The following PTK7 variants were observed in gnomAD, a reference collection of about 807,000 sequenced individuals.
PTK7 encodes the protein protein tyrosine kinase 7 (inactive), also known as inactive tyrosine-protein kinase 7.
A neutral mutation model predicts 116.6 loss-of-function variants in PTK7; 39 were observed. The observed-to-expected ratio is 0.33, with a 90% CI of 0.26 to 0.44. The LOEUF is 0.44. Among genes scored for constraint, PTK7 ranks in the 20% least tolerant of loss-of-function variants. The pLI, the probability that PTK7 is intolerant of heterozygous loss-of-function variation, is 1.00. For missense variants in PTK7, 1,169 were observed against 1,425.6 expected, an observed-to-expected ratio of 0.82 and a Z score of 2.90; for synonymous variants, 546 against 563.6, an observed-to-expected ratio of 0.97 and a Z score of 0.44.
intron 1 of PTK7, among the ~76,000 whole-genome samples, chr6:43,087,667 C>T (rs924356744): frequency 5.9e-5 from 9 of 152,186 alleles, no homozygotes; most frequent in African/African-American, 1.7e-4. Flanking sequence ...AGGTCCCATC[C>T]TCTTCTCCAG....
intron 17 of PTK7, among the ~76,000 whole-genome samples, chr6:43,151,515 GT>G (rs1771083513): frequency 8.6e-6 from 1 of 115,970 alleles, no homozygotes; most frequent in African/African-American, 3.5e-5. Flanking sequence ...CCCAAGCCCC[GT>G]TTTTTTGTTT....
rs758600953 is a variant in PTK7 at position 43,145,398 on chromosome 6, A to T, written c.2606A>T (p.Glu869Val). 1.9e-6 allele frequency: 3 copies of T among 1,605,456 alleles called. No homozygotes were observed. The highest frequency in any genetic ancestry group is 2.2e-5 in the South Asian group (2 of 90,076). The change falls in exon 16 of 20, where the codon GAG becomes GTG. Residue 869 changes from glutamate (E) to valine (V), a missense_variant. Glu to Val is a moderately radical substitution (Grantham distance 121). Around this residue, in one of 3 missense-constraint regions of PTK7, gnomAD observed 678 missense variants for 853.8 expected, o/e 0.79. Transcript: ENST00000230419. The surrounding 1 kb of genome is among the most constrained non-coding windows in gnomAD (Gnocchi z 4.8). ...CTCCTGGGGCTGTGCCGGGAGGCTG[A>T]GCCCCACTACATGGTGCTGGAATAT... The part of the protein sequence containing the change: ...VRLLGLCREA[E>V]PHYMVLEYVD...
intron 13 of PTK7, chr6:43,142,539 T>C: frequency 1.5e-6 from 1 of 650,124 alleles, no homozygotes; most frequent in Non-Finnish European, 2.7e-6. Flanking sequence ...AGTGGGGGGG[T>C]GTTCTCTTCC....
At chr6:43,087,538 C>A (rs1766727678) in intron 1 of PTK7, among the ~76,000 whole-genome samples, 1 of 152,134 alleles carries the variant, frequency 6.6e-6, no homozygotes, top group Non-Finnish European at 1.5e-5. Context: ...CGCTGGGTAT[C>A]CTGGTGATGT....
chr6:43,092,872 A>G (rs1171176917), intron 1 of PTK7, among the ~76,000 whole-genome samples: 1 of 152,172 alleles, frequency 6.6e-6, no homozygotes, highest in Non-Finnish European at 1.5e-5. Flanking sequence ...TGTGATGGCT[A>G]TGACTGTGAT....
rs1766004772 is a variant in PTK7 at position 43,076,430 on chromosome 6, C to T, written c.-59C>T. ...TGCGCTCCGCCTCCTGTGCCCGCCG[C>T]GGAGCGCAGTCTGCGCGCCCGCCGT... On this transcript the variant is annotated 5_prime_UTR_variant, in exon 1 of 20. Transcript: ENST00000230419. The surrounding 1 kb of genome is among the most constrained non-coding windows in gnomAD (Gnocchi z 5.7). The T allele has an allele frequency of 9.3e-6, 13 of 1,398,014 alleles. No homozygotes were observed. Among genetic ancestry groups the T allele is most frequent in the South Asian group, 1.4e-5 (1 of 71,180 alleles). The allele number at this position is 1,398,014 out of a possible 1,614,324, so 86.6% of individuals were successfully genotyped here.
rs1373387157 is a variant in PTK7 at position 43,139,078 on chromosome 6, G to C, written c.1363-58G>C. Reference sequence around the variant, plus strand: ...CCATAGCACTCTTACCCTGGAGGCAGCCTCCAGGGAGAGGTGGGTGTGGGT... The same window carrying C: ...CCATAGCACTCTTACCCTGGAGGCACCCTCCAGGGAGAGGTGGGTGTGGGT... On this transcript the variant is annotated intron_variant, in intron 8 of 19. Transcript: ENST00000230419. This position sits in a 1 kb window ranked among gnomAD's most constrained non-coding sequence, Gnocchi z 4.6. The C allele has an allele frequency of 1.2e-6, 2 of 1,610,628 alleles. No individual in the cohort carries two copies. Among genetic ancestry groups the C allele is most frequent in the Non-Finnish European group, 1.7e-6 (2 of 1,177,774 alleles).
chr6:43,153,137 GTCTC>G (rs1030655026), intron 17 of PTK7, among the ~76,000 whole-genome samples: 18 of 151,396 alleles, frequency 1.2e-4, no homozygotes, highest in African/African-American at 4.1e-4. Flanking sequence ...TTGAGATGGA[GTCTC>G]TCTCTGTCAC....
At chr6:43,157,709 C>G (rs75737443) in intron 17 of PTK7, among the ~76,000 whole-genome samples, 2 of 151,710 alleles carry the variant, frequency 1.3e-5, no homozygotes, top group Admixed American at 6.6e-5. Flanking sequence ...AGCTAGACAC[C>G]GTCTCTACCA....
chr6:43,139,266 T>C lies in PTK7; in HGVS notation c.1493T>C (p.Val498Ala). Residue 498 changes from valine (V) to alanine (A), a missense_variant, in exon 9 of 20, where the codon GTG becomes GCG. Val to Ala is a moderately conservative substitution (Grantham distance 64). Transcript: ENST00000230419. The surrounding 1 kb of genome is among the most constrained non-coding windows in gnomAD (Gnocchi z 4.6). ...ATCGAGGCGCAAGCCCGTGTCCAAG[T>C]GCTGGGTGAGCCAGCATGTCTTGGG... is the stretch of plus-strand genomic sequence containing the variant. ...GSIEAQARVQ[V>A]LEKLKFTPPP... 6.2e-7 allele frequency: 1 copy of C among 1,614,230 alleles called. No individual in the cohort carries two copies. Among genetic ancestry groups the C allele is most frequent in the Non-Finnish European group, 8.5e-7 (1 of 1,180,042 alleles).
intron 1 of PTK7, among the ~76,000 whole-genome samples, chr6:43,119,500 T>C (rs1004101604): frequency 1.3e-5 from 2 of 152,102 alleles, no homozygotes; most frequent in South Asian, 4.1e-4. Context: ...TCCTGCACAT[T>C]GGAACCCCTG....
chr6:43,150,971 C>T (rs927284030), intron 17 of PTK7, among the ~76,000 whole-genome samples: 5 of 150,982 alleles, frequency 3.3e-5, no homozygotes, highest in East Asian at 2.0e-4. Context: ...TACAGGAGCC[C>T]GCCACCACAC....
chr6:43,091,048 G>A (rs905563332), intron 1 of PTK7, among the ~76,000 whole-genome samples: 14 of 151,996 alleles, frequency 9.2e-5, no homozygotes, highest in Non-Finnish European at 1.6e-4. Context: ...CTTGCTCCCC[G>A]CTTCCCAGGG....
At position 43,145,724 on chromosome 6, in the gene PTK7, A is replaced by C. The variant is rs868560620; in HGVS notation, c.2640+292A>C. ...CTGTCACACTGCAGGGATGCCTTCC[A>C]GGTCATCTTCTCTGACTCTTGTTTT... On this transcript the variant is annotated intron_variant, in intron 16 of 19. Transcript: ENST00000230419. This position sits in a 1 kb window ranked among gnomAD's most constrained non-coding sequence, Gnocchi z 4.8. The C allele has an allele frequency of 1.3e-5, 3 of 239,952 alleles. No homozygotes were observed. The highest frequency in any genetic ancestry group is 4.5e-5 in the African/African-American group (2 of 44,522). The allele number at this position is 239,952 out of a possible 1,614,324, so 14.9% of individuals were successfully genotyped here.
intron 1 of PTK7, among the ~76,000 whole-genome samples, chr6:43,124,718 G>A (rs1464786099): frequency 6.6e-6 from 1 of 152,152 alleles, no homozygotes; most frequent in Non-Finnish European, 1.5e-5. Flanking sequence ...GTCCCCCGCT[G>A]CAAGCTGGGC....
At position 43,139,030 on chromosome 6, in the gene PTK7, C is replaced by G; in HGVS notation, c.1362+48C>G. 1 of 1,607,448 alleles carries G rather than the reference C, an allele frequency of 6.2e-7. No individual in the cohort carries two copies. Among genetic ancestry groups the G allele is most frequent in the Non-Finnish European group, 8.5e-7 (1 of 1,175,372 alleles). ...GTGGATGGGCGGGGCCTTCCCTCCA[C>G]TTGCCCTCTTCTGTGCTCACCTCCA... is the stretch of plus-strand genomic sequence containing the variant. On this transcript the variant is annotated intron_variant, in intron 8 of 19. Coordinates refer to ENST00000230419, the MANE Select transcript of PTK7 (RefSeq NM_002821.5). This position sits in a 1 kb window ranked among gnomAD's most constrained non-coding sequence, Gnocchi z 4.6.
chr6:43,096,029 C>T (rs1489833030), intron 1 of PTK7, among the ~76,000 whole-genome samples: 4 of 152,172 alleles, frequency 2.6e-5, no homozygotes, highest in Non-Finnish European at 5.9e-5. Flanking sequence ...GTCTAATGCC[C>T]TCCGATTCCA....
intron 17 of PTK7, among the ~76,000 whole-genome samples, chr6:43,153,213 C>T (rs1435062484): frequency 6.6e-6 from 1 of 150,594 alleles, no homozygotes; most frequent in Non-Finnish European, 1.5e-5. Context: ...CAGGTTCATG[C>T]CATTATCCTG....
At chr6:43,108,596 T>C (rs1257429042) in intron 1 of PTK7, among the ~76,000 whole-genome samples, 2 of 151,782 alleles carry the variant, frequency 1.3e-5, no homozygotes, top group Non-Finnish European at 2.9e-5. Context: ...GAGACGGGGT[T>C]TTACCGTGTT....
Sources: allele counts gnomAD v4.1 joint callset (sites outside exome capture counted in the v4.1 genomes callset), GRCh38; gene constraint gnomAD v4.1.1; regional missense constraint gnomAD v4.1.1; non-coding constraint Gnocchi (gnomAD v3.1); transcripts MANE v1.5; gene names NCBI Gene and HGNC (gene_info 2026-07-23, HGNC 2026-07-21).